ADAM17: variants seen among roughly 807,000 people sequenced by gnomAD.
ADAM17 encodes the protein disintegrin and metalloproteinase domain-containing protein 17.
In ADAM17, 39 loss-of-function variants were observed where a neutral mutation model predicts 96.7. That is an observed-to-expected ratio of 0.40 (90% CI 0.31 to 0.53). ADAM17 has a LOEUF of 0.53. Among genes scored for constraint, ADAM17 ranks in the 20% least tolerant of loss-of-function variants. ADAM17 has a pLI of 0.44. For synonymous variants in ADAM17, 344 were observed against 359.2 expected, an observed-to-expected ratio of 0.96 and a Z score of 0.48; for missense variants, 777 against 1,013.2, an observed-to-expected ratio of 0.77 and a Z score of 3.17.
At chr2:9,523,387 T>C (rs747049746) in intron 6 of ADAM17, 49 bp from the exon 7 acceptor site, 6 of 1,413,506 alleles carry the variant, frequency 4.2e-6, no homozygotes, top group African/African-American at 2.8e-5. Flanking sequence ...TCTTTACCTC[T>C]CCTGGCAATG....
chr2:9,533,099 G>T (rs1452884610), intron 4 of ADAM17, among the ~76,000 whole-genome samples: 1 of 151,930 alleles, frequency 6.6e-6, no homozygotes, highest in Non-Finnish European at 1.5e-5. Context: ...TGAGGCAGGA[G>T]AATCGCTTTA....
chr2:9,512,940 T>A (rs1572918467), intron 10 of ADAM17, among the ~76,000 whole-genome samples: 1 of 152,172 alleles, frequency 6.6e-6, no homozygotes, highest in East Asian at 1.9e-4. Context: ...GCTCCTGTAC[T>A]CGGGACCCTT....
In ADAM17 at chr2:9,505,180, T is replaced by C. The variant is rs1221444313; in HGVS notation, c.1530A>G (p.Glu510=). The C allele has an allele frequency of 2.5e-6, 4 of 1,614,110 alleles. No homozygotes were observed. The highest frequency in any genetic ancestry group is 3.4e-6 in the Non-Finnish European group (4 of 1,180,040). Residue 510 remains glutamate, a synonymous_variant, in exon 12 of 19, where the codon GAA becomes GAG. Transcript: ENST00000310823. ...TCCNSDCTLK[E]GVQCSDRNSP... The stretch of plus-strand genomic sequence containing the variant: ...AGACTCCTCACCTGCACTGGACACC[T>C]TCCTTCAACGTGCAGTCGCTGTTGC...
chr2:9,549,064 C>T (rs571710281), intron 1 of ADAM17, among the ~76,000 whole-genome samples: 17 of 152,218 alleles, frequency 1.1e-4, no homozygotes, highest in African/African-American at 3.4e-4. Flanking sequence ...TAAAACTAAT[C>T]GTGAAACTTT....
chr2:9,520,988 G>GAAAAAAA lies in ADAM17; in HGVS notation c.957+214_957+215insTTTTTTT, dbSNP rs1234369493. ...TCAAAAAAAAAAAAAAAAAAAAAAG[G>GAAAAAAA]AAGCATTGCTTTATAGCGTTTTTCT... is the stretch of plus-strand genomic sequence containing the variant. On this transcript the variant is annotated intron_variant, in intron 8 of 18. Coordinates refer to ENST00000310823, the MANE Select transcript of ADAM17 (RefSeq NM_003183.6). 1.3e-3 allele frequency among the ~76,000 whole-genome samples: 147 copies of GAAAAAAA among 112,098 alleles called. 13 individuals carry two copies. The highest frequency in any genetic ancestry group is 3.5e-3 in the African/African-American group (105 of 30,412). 73.5% of individuals were successfully genotyped at this position (112,098 alleles called of 152,430 possible). A position where few individuals can be genotyped will look rare whatever the true frequency, so the allele number is the denominator to read the frequency against.
intron 4 of ADAM17, among the ~76,000 whole-genome samples, chr2:9,534,166 C>A (rs772629746): frequency 6.6e-6 from 1 of 152,072 alleles, no homozygotes; most frequent in Non-Finnish European, 1.5e-5. Flanking sequence ...GTCAGGAGAT[C>A]GAGACCATCC....
intron 1 of ADAM17, among the ~76,000 whole-genome samples, chr2:9,554,698 C>G (rs1355631354): frequency 6.6e-6 from 1 of 152,176 alleles, no homozygotes; most frequent in Non-Finnish European, 1.5e-5. Context: ...TAAAAGTTCA[C>G]GCAAACTTAC....
chr2:9,501,335 G>A (rs35280016), intron 13 of ADAM17, among the ~76,000 whole-genome samples: 17,519 of 152,196 alleles, frequency 0.12, 1,262 homozygotes, highest in Middle Eastern at 0.23. Flanking sequence ...TGGCCAGAAC[G>A]TCAGGATAAG....
Position 9,546,986 on chromosome 2 carries a change from C to T in ADAM17, c.98-3701G>A, listed in dbSNP as rs571909321. Among the ~76,000 whole-genome samples the T allele has an allele frequency of 1.2e-3, 178 of 152,302 alleles. 2 individuals carry two copies. Among genetic ancestry groups the T allele is most frequent in the African/African-American group, 4.0e-3 (168 of 41,570 alleles). On this transcript the variant is annotated intron_variant, in intron 1 of 18. Coordinates refer to ENST00000310823, the MANE Select transcript of ADAM17 (RefSeq NM_003183.6). ...CCTCCCAAAGTGCTGGGATTACAGG[C>T]GTGGGCCACAGAGCCCAGCCCATAT...
intron 13 of ADAM17, among the ~76,000 whole-genome samples, chr2:9,499,789 G>A (rs908797543): frequency 6.6e-5 from 10 of 152,112 alleles, no homozygotes; most frequent in Admixed American, 4.6e-4. Flanking sequence ...CTATGCACAC[G>A]GAAAACCAAA....
At position 9,492,974 on chromosome 2, in the gene ADAM17, G is replaced by C; in HGVS notation, c.2006C>G (p.Ala669Gly). The C allele has an allele frequency of 1.2e-6, 2 of 1,610,406 alleles. No homozygotes were observed. Among genetic ancestry groups the C allele is most frequent in the Non-Finnish European group, 1.7e-6 (2 of 1,178,162 alleles). Residue 669 changes from alanine (A) to glycine (G), a missense_variant, in exon 17 of 19, where the codon GCA becomes GGA. Ala to Gly is a moderately conservative substitution (Grantham distance 60). Coordinates refer to ENST00000310823, the MANE Select transcript of ADAM17 (RefSeq NM_003183.6). ...LSINTFGKFL[A>G]DNIVGSVLVF... ...CAGGACAGACCCAACGATGTTGTCT[G>C]CTAAAAACTTTCCTGTGAACAATTC...
At chr2:9,502,578 A>C (rs2124991808) in intron 12 of ADAM17, among the ~76,000 whole-genome samples, 1 of 152,254 alleles carries the variant, frequency 6.6e-6, no homozygotes, top group African/African-American at 2.4e-5. Context: ...TTAATTTAAA[A>C]AAGACAAGAT....
intron 12 of ADAM17, among the ~76,000 whole-genome samples, chr2:9,503,142 A>C (rs937139586): frequency 6.6e-5 from 10 of 151,434 alleles, no homozygotes; most frequent in African/African-American, 2.4e-4. Context: ...TCTCTCAAAA[A>C]AAAAAAAAAA....
chr2:9,498,164 G>T (rs1662756826), intron 13 of ADAM17, among the ~76,000 whole-genome samples: 1 of 152,112 alleles, frequency 6.6e-6, no homozygotes, highest in African/African-American at 2.4e-5. Context: ...CAAGTACCTA[G>T]GATTTCAGGC....
chr2:9,541,794 C>T (rs1665215075), intron 2 of ADAM17, among the ~76,000 whole-genome samples: 2 of 152,048 alleles, frequency 1.3e-5, no homozygotes, highest in South Asian at 4.1e-4. Flanking sequence ...AATCCCAGCA[C>T]TTTGGGAGGC....
intron 13 of ADAM17, among the ~76,000 whole-genome samples, chr2:9,499,174 T>A (rs1378595489): frequency 6.6e-6 from 1 of 151,652 alleles, no homozygotes; most frequent in Non-Finnish European, 1.5e-5. Flanking sequence ...AAATACTGAT[T>A]CCTTATCAGG....
intron 1 of ADAM17, among the ~76,000 whole-genome samples, chr2:9,551,681 G>T (rs4464249): frequency 6.6e-6 from 1 of 152,050 alleles, no homozygotes; most frequent in Non-Finnish European, 1.5e-5. Flanking sequence ...GGATGGTCTC[G>T]ATCTCCTGAC....
chr2:9,548,499 A>C (rs945186726), intron 1 of ADAM17, among the ~76,000 whole-genome samples: 9 of 152,064 alleles, frequency 5.9e-5, no homozygotes, highest in African/African-American at 2.2e-4. Flanking sequence ...AAAAAAAAGA[A>C]AACAAAACAA....
intron 5 of ADAM17, chr2:9,527,543 T>C (rs1204866792): frequency 1.4e-5 from 4 of 288,214 alleles, no homozygotes; most frequent in East Asian, 5.9e-5. Flanking sequence ...GATCACTCCA[T>C]TTCCCTTTTC....
Sources: gnomAD v4.1 joint callset for allele counts (sites outside exome capture counted in the v4.1 genomes callset) on GRCh38, gnomAD v4.1.1 for gene constraint, MANE v1.5 for transcripts, NCBI Gene and HGNC (gene_info 2026-07-23, HGNC 2026-07-21) for gene names.